Variants in USP38 observed in about 807,000 individuals in gnomAD.
USP38 encodes the protein ubiquitin specific peptidase 38.
A neutral mutation model predicts 94.3 loss-of-function variants in USP38; 49 were observed. The ratio of observed to expected loss-of-function variants is 0.52; its 90% CI spans 0.41 to 0.66. The LOEUF is 0.66. Among genes scored for constraint, USP38 ranks in the 30% least tolerant of loss-of-function variants. The pLI, the probability that USP38 is intolerant of heterozygous loss-of-function variation, is 0.00. For missense variants in USP38, 1,128 were observed against 1,229.4 expected (o/e 0.92, Z 1.23); for synonymous variants, 468 against 463.6 (o/e 1.01, Z -0.12).
At chr4:143,207,666 ATT>A (rs34751631) in intron 6 of USP38, among the ~76,000 whole-genome samples, 92 of 148,008 alleles carry the variant, frequency 6.2e-4, no homozygotes, top group Admixed American at 6.1e-4. Flanking sequence ...TGTATTTGGA[ATT>A]TTTTTTTTTT....
intron 9 of USP38, among the ~76,000 whole-genome samples, chr4:143,217,731 A>G (rs1056879874): frequency 6.6e-6 from 1 of 152,154 alleles, no homozygotes; most frequent in Non-Finnish European, 1.5e-5. Context: ...CAAGTGTTAG[A>G]AAATGTTGCT....
rs749109564 is a variant in USP38 at position 143,220,413 on chromosome 4, G to T, written c.3086G>T (p.Gly1029Val). ...PPGSCGPTGG[G>V]GGGGFNTVGR... ...GGAAGCTGTGGACCAACTGGTGGAG[G>T]GGGTGGAGGAGGATTTAATACAGTT... The change falls in exon 10 of 10, where the codon GGG becomes GTG. Residue 1029 changes from glycine to valine, a missense_variant. By Grantham distance (109) the Gly-to-Val change is moderately radical. Coordinates refer to ENST00000307017, the MANE Select transcript of USP38 (RefSeq NM_032557.6). 6.2e-7 allele frequency: 1 copy of T among 1,613,248 alleles called. No homozygotes were observed. Among genetic ancestry groups the T allele is most frequent in the Non-Finnish European group, 8.5e-7 (1 of 1,179,490 alleles).
chr4:143,185,431 G>A lies in USP38; in HGVS notation c.-20G>A, dbSNP rs768223789. On this transcript the variant is annotated 5_prime_UTR_variant, in exon 1 of 10. Coordinates refer to ENST00000307017, the MANE Select transcript of USP38 (RefSeq NM_032557.6). ...CACCCGCTCCTTATCCCCTGGCCCT[G>A]GCCTTGCAGCGTGGCGACAATGGAC... 3.2e-6 allele frequency: 5 copies of A among 1,559,730 alleles called. No homozygotes were observed. In the South Asian group the frequency reaches 6.1e-5, roughly 19 times the overall value.
intron 8 of USP38, among the ~76,000 whole-genome samples, chr4:143,213,244 A>G (rs1158983604): frequency 2.0e-5 from 3 of 152,152 alleles, no homozygotes. Flanking sequence ...CTAAGAATCT[A>G]TTCAGTAGTT....
At position 143,213,717 on chromosome 4, in the gene USP38, G is replaced by C; in HGVS notation, c.1741G>C (p.Gly581Arg). The part of the protein sequence containing the change: ...VLTETPRTSD[G>R]EKTLIEKMFG... ...AACAGAGACCCCTCGTACAAGTGACGGTGAGAAGACTTTAATAGAAAAAAT... is the reference window on the plus strand; with the variant it reads ...AACAGAGACCCCTCGTACAAGTGACCGTGAGAAGACTTTAATAGAAAAAAT... The change falls in exon 9 of 10, where the codon GGT (glycine) becomes CGT (arginine). Residue 581 changes from glycine (G) to arginine (R), a missense_variant. Coordinates refer to ENST00000307017, the MANE Select transcript of USP38 (RefSeq NM_032557.6). The C allele has an allele frequency of 1.2e-6, 2 of 1,613,714 alleles. No individual in the cohort carries two copies. The highest frequency in any genetic ancestry group is 1.7e-6 in the Non-Finnish European group (2 of 1,179,810).
In USP38 at chr4:143,194,075, C is replaced by T. The variant is rs568989609; in HGVS notation, c.819-1641C>T. 2.0e-5 allele frequency among the ~76,000 whole-genome samples: 3 copies of T among 152,096 alleles called. No homozygotes were observed. The South Asian group carries it at 6.2e-4, about 32-fold the overall frequency. On this transcript the variant is annotated intron_variant, in intron 2 of 9. Coordinates refer to ENST00000307017, the MANE Select transcript of USP38 (RefSeq NM_032557.6). ...CTGCACTCCGGTCTGGGTGACAGAG[C>T]GAGACTGTGTCTCAAAAAGAAAAAA...
rs749551569 is a variant in USP38 at position 143,185,505 on chromosome 4, C to T, written c.55C>T (p.Arg19Trp). ...TTCCTCGCATCCCCTGCCCCTCAAG[C>T]GGGTGATTGTGCGGAAGGTGGTGGA... Reference protein sequence around the residue: ...VSSSHPLPLKRVIVRKVVESA... With the variant: ...VSSSHPLPLKWVIVRKVVESA... The change falls in exon 1 of 10, where the codon CGG becomes TGG. Residue 19 changes from arginine to tryptophan, a missense_variant. By Grantham distance (101) the Arg-to-Trp change is moderately radical. Transcript: ENST00000307017. The T allele has an allele frequency of 5.6e-6, 9 of 1,610,080 alleles. No individual in the cohort carries two copies. The highest frequency in any genetic ancestry group is 2.7e-5 in the African/African-American group (2 of 74,868).
At chr4:143,209,797 G>T in intron 7 of USP38, 140 bp downstream of exon 7, 1 of 529,324 alleles carries the variant, frequency 1.9e-6, no homozygotes, top group Non-Finnish European at 3.2e-6. Context: ...ACTTAGAAAT[G>T]CTAAAGAGAT....
At chr4:143,199,732 A>G (rs934111729) in intron 4 of USP38, among the ~76,000 whole-genome samples, 1 of 152,166 alleles carries the variant, frequency 6.6e-6, no homozygotes, top group Non-Finnish European at 1.5e-5. Flanking sequence ...TCTGCTGATC[A>G]GTAATACTGA....
intron 1 of USP38, among the ~76,000 whole-genome samples, chr4:143,186,595 G>A (rs748404864): frequency 9.2e-5 from 14 of 151,500 alleles, no homozygotes; most frequent in Non-Finnish European, 1.2e-4. Context: ...TTTTATTACT[G>A]GATTATCCCA....
chr4:143,212,544 C>A, intron 8 of USP38, 120 bp downstream of exon 8: 1 of 530,466 alleles, frequency 1.9e-6, no homozygotes, highest in African/African-American at 2.0e-5. Flanking sequence ...AATACTATTG[C>A]ATTTCTTGTA....
At position 143,206,069 on chromosome 4, in the gene USP38, A is replaced by G. The variant is rs773048212; in HGVS notation, c.1246A>G (p.Ile416Val). The change falls in exon 6 of 10, where the codon ATT (isoleucine) becomes GTT (valine). Residue 416 changes from isoleucine to valine, a missense_variant. Transcript: ENST00000307017. ...GCCCAGTGAAGAGAAGATTAAGTTA[A>G]TTCTCAATCAAAGTGCCTGGACTTC... ...PKPSEEKIKLILNQSAWTSQS... is the reference protein window; with the variant it reads ...PKPSEEKIKLVLNQSAWTSQS... 1 of 1,612,020 alleles carries G rather than the reference A, an allele frequency of 6.2e-7. No homozygotes were observed. The highest frequency in any genetic ancestry group is 8.5e-7 in the Non-Finnish European group (1 of 1,179,254).
At chr4:143,203,306 A>G in intron 4 of USP38, 102 bp from the exon 5 acceptor site, 1 of 1,159,958 alleles carries the variant, frequency 8.6e-7, no homozygotes, top group Non-Finnish European at 1.2e-6. Flanking sequence ...ACATACAGAA[A>G]AGTATCTGCT....
Position 143,220,413 on chromosome 4 carries a change from G to C in USP38, c.3086G>C (p.Gly1029Ala), listed in dbSNP as rs749109564. Residue 1029 changes from glycine (G) to alanine (A), a missense_variant, in exon 10 of 10, where the codon GGG becomes GCG. Physicochemically the swap from Gly to Ala is moderately conservative, Grantham distance 60. Transcript: ENST00000307017. ...GGAAGCTGTGGACCAACTGGTGGAG[G>C]GGGTGGAGGAGGATTTAATACAGTT... ...PPGSCGPTGG[G>A]GGGGFNTVGR... The C allele has an allele frequency of 6.2e-6, 10 of 1,613,130 alleles. No individual in the cohort carries two copies. The highest frequency in any genetic ancestry group is 2.7e-5 in the African/African-American group (2 of 74,834).
chr4:143,209,635 T>C lies in USP38; in HGVS notation c.1475T>C (p.Phe492Ser). ...NSLMKKLQHLFAFLAHTQREA... is the reference protein window; with the variant it reads ...NSLMKKLQHLSAFLAHTQREA... ...TTAATGAAAAAATTACAGCATCTTT[T>C]TGCCTTTCTGGCCCATACACAGGTG... The change falls in exon 7 of 10, where the codon TTT becomes TCT. Residue 492 changes from phenylalanine (F) to serine (S), a missense_variant. Transcript: ENST00000307017. 1 of 1,609,252 alleles carries C rather than the reference T, an allele frequency of 6.2e-7. No individual in the cohort carries two copies. The highest frequency in any genetic ancestry group is 8.5e-7 in the Non-Finnish European group (1 of 1,176,498).
At chr4:143,190,338 G>GC (rs201221190) in intron 2 of USP38, among the ~76,000 whole-genome samples, 1,530 of 152,028 alleles carry the variant, frequency 0.01, 8 homozygotes, top group Non-Finnish European at 0.016. Context: ...ACTGTTATTG[G>GC]CCCCATCTCA....
chr4:143,195,600 G>A, intron 2 of USP38, 116 bp from the exon 3 acceptor site: 1 of 1,122,868 alleles, frequency 8.9e-7, no homozygotes, highest in South Asian at 2.0e-5. Flanking sequence ...CTTTTCACCA[G>A]CAAATTCAGT....
At chr4:143,212,606 T>C (rs1184589832) in intron 8 of USP38, among the ~76,000 whole-genome samples, 182 bp downstream of exon 8, 1 of 152,068 alleles carries the variant, frequency 6.6e-6, no homozygotes, top group Non-Finnish European at 1.5e-5. Context: ...TTGAATTTTC[T>C]TCCTTGAGAC....
At position 143,213,619 on chromosome 4, in the gene USP38, C is replaced by T; in HGVS notation, c.1643C>T (p.Ser548Leu). 1 of 1,612,762 alleles carries T rather than the reference C, an allele frequency of 6.2e-7. No individual in the cohort carries two copies. The highest frequency in any genetic ancestry group is 8.5e-7 in the Non-Finnish European group (1 of 1,179,458). The change falls in exon 9 of 10, where the codon TCA becomes TTA. Residue 548 changes from serine (S) to leucine (L), a missense_variant. Ser to Leu is a moderately radical substitution (Grantham distance 145, BLOSUM62 -2). Coordinates refer to ENST00000307017, the MANE Select transcript of USP38 (RefSeq NM_032557.6). ...EEEKILKVQASHKPSEILECS... is the reference protein window; with the variant it reads ...EEEKILKVQALHKPSEILECS... The stretch of plus-strand genomic sequence containing the variant: ...GAAAAGATCTTGAAAGTTCAGGCCT[C>T]ACACAAGCCTTCTGAAATTCTGGAA...
Sources: gnomAD v4.1 joint callset for allele counts (sites outside exome capture counted in the v4.1 genomes callset) on GRCh38, gnomAD v4.1.1 for gene constraint, MANE v1.5 for transcripts, NCBI Gene and HGNC (gene_info 2026-07-23, HGNC 2026-07-21) for gene names.